The following NALF1 variants were observed in gnomAD, a reference collection of about 807,000 sequenced individuals.
NALF1 encodes the protein NALCN channel auxiliary factor 1.
Under a neutral mutation model 48.4 loss-of-function variants are expected in NALF1, and 3 were observed. The ratio of observed to expected loss-of-function variants is 0.06; its 90% CI spans 0.03 to 0.16. The LOEUF is 0.16. NALF1 is among the 10% of genes least tolerant of loss of function. NALF1 has a pLI of 1.00. For missense variants in NALF1, 526 were observed against 571.5 expected, an observed-to-expected ratio of 0.92 and a Z score of 0.81; for synonymous variants, 262 against 245.7, an observed-to-expected ratio of 1.07 and a Z score of -0.62.
At chr13:107,379,963 C>T (rs1448017105) in intron 1 of NALF1, among the ~76,000 whole-genome samples, 1 of 152,148 alleles carries the variant, frequency 6.6e-6, no homozygotes, top group Non-Finnish European at 1.5e-5. Flanking sequence ...AGTAAATGCT[C>T]TCTTCCAGAG....
intron 2 of NALF1, 142 bp downstream of exon 2, chr13:107,210,442 C>T (rs1879736828): frequency 3.2e-6 from 2 of 621,530 alleles, no homozygotes; most frequent in South Asian, 4.2e-5. Context: ...GCTTTCGGTG[C>T]TTCTATTAGT....
At chr13:107,781,811 C>A (rs1404150611) in intron 1 of NALF1, among the ~76,000 whole-genome samples, 1 of 152,082 alleles carries the variant, frequency 6.6e-6, no homozygotes, top group Admixed American at 6.6e-5. Flanking sequence ...GCCTGCATTG[C>A]CTGTAATCAT....
chr13:107,443,218 ATCG>A (rs1884594611), intron 1 of NALF1, among the ~76,000 whole-genome samples: 1 of 149,228 alleles, frequency 6.7e-6, no homozygotes, highest in Non-Finnish European at 1.5e-5. Context: ...CTATCTATCT[ATCG>A]ATATGTAAGT....
chr13:107,614,240 T>C (rs1879317767), intron 1 of NALF1, among the ~76,000 whole-genome samples: 1 of 152,208 alleles, frequency 6.6e-6, no homozygotes, highest in African/African-American at 2.4e-5. Flanking sequence ...GTGATCATTT[T>C]AAGCAACCTA....
chr13:107,317,771 G>C (rs1882178483), intron 1 of NALF1, among the ~76,000 whole-genome samples: 1 of 152,004 alleles, frequency 6.6e-6, no homozygotes, highest in South Asian at 2.1e-4. Flanking sequence ...ATATCTGGGA[G>C]TTATCCAGAA....
Position 107,415,456 on chromosome 13 carries a change from G to A in NALF1, c.916-204701C>T, listed in dbSNP as rs549126131. The stretch of plus-strand genomic sequence containing the variant: ...CAGTACATACTGTACTACCTAGACT[G>A]AAACAGATTTAGGATTAGTAGTGGG... On this transcript the variant is annotated intron_variant, in intron 1 of 2. Transcript: ENST00000375915. Among the ~76,000 whole-genome samples the A allele has an allele frequency of 5.9e-5, 9 of 151,550 alleles. No individual in the cohort carries two copies. In the South Asian group the frequency reaches 1.9e-3, roughly 32 times the overall value.
chr13:107,698,262 T>G (rs983960739), intron 1 of NALF1, among the ~76,000 whole-genome samples: 2 of 152,166 alleles, frequency 1.3e-5, no homozygotes, highest in Non-Finnish European at 2.9e-5. Context: ...AGTTCCCAAA[T>G]GTGCTAGTAT....
intron 1 of NALF1, among the ~76,000 whole-genome samples, chr13:107,545,632 T>C (rs1400629576): frequency 6.6e-6 from 1 of 151,958 alleles, no homozygotes; most frequent in African/African-American, 2.4e-5. Flanking sequence ...AAGTGTCATT[T>C]CCAAGCAGGA....
intron 1 of NALF1, among the ~76,000 whole-genome samples, chr13:107,641,975 T>C (rs770211360): frequency 2.0e-5 from 3 of 152,136 alleles, no homozygotes; most frequent in Non-Finnish European, 4.4e-5. Flanking sequence ...CTTCTATATA[T>C]AGCTTTCCAG....
chr13:107,341,375 T>C (rs767949635), intron 1 of NALF1, among the ~76,000 whole-genome samples: 2 of 152,014 alleles, frequency 1.3e-5, no homozygotes, highest in Non-Finnish European at 2.9e-5. Context: ...TGTGTGTACA[T>C]ATGATCGAGC....
At chr13:107,796,258 T>C (rs1272272109) in intron 1 of NALF1, among the ~76,000 whole-genome samples, 1 of 152,190 alleles carries the variant, frequency 6.6e-6, no homozygotes, top group Non-Finnish European at 1.5e-5. Context: ...GGTAATAAAT[T>C]CACAATAGTT....
At chr13:107,679,464 C>A (rs1382532038) in intron 1 of NALF1, among the ~76,000 whole-genome samples, 1 of 152,120 alleles carries the variant, frequency 6.6e-6, no homozygotes, top group Non-Finnish European at 1.5e-5. Context: ...AGTTACAGAG[C>A]CAGCCCTCAC....
intron 2 of NALF1, among the ~76,000 whole-genome samples, chr13:107,200,604 T>C (rs957287878): frequency 2.0e-5 from 3 of 152,194 alleles, no homozygotes; most frequent in Non-Finnish European, 2.9e-5. Context: ...AAAATATGCC[T>C]TGCAGAACTG....
chr13:107,461,749 T>A (rs1455905439), intron 1 of NALF1, among the ~76,000 whole-genome samples: 1 of 152,240 alleles, frequency 6.6e-6, no homozygotes, highest in African/African-American at 2.4e-5. Flanking sequence ...GTATATGGTA[T>A]AATATACACT....
chr13:107,416,720 T>C (rs142848470), intron 1 of NALF1, among the ~76,000 whole-genome samples: 120 of 152,336 alleles, frequency 7.9e-4, no homozygotes, highest in African/African-American at 2.6e-3. Flanking sequence ...TGCAGATTTC[T>C]GAGGGGGTCT....
chr13:107,547,465 T>C (rs1232073624), intron 1 of NALF1, among the ~76,000 whole-genome samples: 2 of 152,222 alleles, frequency 1.3e-5, no homozygotes, highest in Non-Finnish European at 2.9e-5. Context: ...ACATGGTTAA[T>C]AATTATTGAA....
chr13:107,688,554 A>G (rs765753123), intron 1 of NALF1, among the ~76,000 whole-genome samples: 5 of 152,224 alleles, frequency 3.3e-5, no homozygotes, highest in Non-Finnish European at 5.9e-5. Context: ...AATTGTTTTT[A>G]GAACTTAACA....
intron 1 of NALF1, among the ~76,000 whole-genome samples, chr13:107,749,183 A>G (rs912535349): frequency 7.4e-5 from 11 of 148,246 alleles, no homozygotes; most frequent in African/African-American, 2.8e-4. Context: ...TCTGTGTGTC[A>G]CATATTAAAA....
At chr13:107,409,099 A>C (rs7323362) in intron 1 of NALF1, among the ~76,000 whole-genome samples, 102,316 of 151,952 alleles carry the variant, frequency 0.67, 34,701 homozygotes, top group African/African-American at 0.74. Flanking sequence ...GGCATGGCTA[A>C]TGACTAGGCC....
Sources: gnomAD v4.1 joint callset for allele counts (sites outside exome capture counted in the v4.1 genomes callset) on GRCh38, gnomAD v4.1.1 for gene constraint, MANE v1.5 for transcripts, NCBI Gene and HGNC (gene_info 2026-07-23, HGNC 2026-07-21) for gene names.